KLRD1: variants seen among roughly 807,000 people sequenced by gnomAD.
KLRD1 encodes the protein natural killer cells antigen CD94.
A neutral mutation model predicts 22.6 loss-of-function variants in KLRD1; 21 were observed. That is an observed-to-expected ratio of 0.93 (90% CI 0.66 to 1.34). The LOEUF (loss-of-function observed/expected upper bound fraction) is 1.34. Ranked by LOEUF, KLRD1 falls within the 40% of genes most tolerant of loss-of-function variation. The pLI is 0.00. For synonymous variants in KLRD1, 59 were observed against 71.1 expected, an observed-to-expected ratio of 0.83 and a Z score of 0.85; for missense variants, 183 against 208.6, an observed-to-expected ratio of 0.88 and a Z score of 0.76.
chr12:10,246,343 A>G (rs189277591), intron 1 of KLRD1, among the ~76,000 whole-genome samples: 35 of 151,000 alleles, frequency 2.3e-4, no homozygotes, highest in Admixed American at 1.5e-3. Context: ...TTATGAATAT[A>G]TACTACATTT....
rs1555113906 is a variant in KLRD1 at position 10,324,818 on chromosome 12, G to GTATATATATATATATATATATA, written c.*10029_*10050dup. On this transcript the variant is annotated 3_prime_UTR_variant, in exon 6 of 6. Coordinates refer to ENST00000336164, the MANE Select transcript of KLRD1 (RefSeq NM_002262.5). ...AGTATATATGTATATGTGTGTGTGT[G>GTATATATATATATATATATATA]TATATATATATATATATATATATAT... The GTATATATATATATATATATATA allele has an allele frequency of 0.042, 3,073 of 73,666 alleles. 279 individuals carry two copies. Among genetic ancestry groups the GTATATATATATATATATATATA allele is most frequent in the Non-Finnish European group, 0.062 (2,321 of 37,360 alleles). The allele number at this position is 73,666 out of a possible 1,614,324, so 4.6% of individuals were successfully genotyped here. A position where few individuals can be genotyped will look rare whatever the true frequency, so the allele number is the denominator to read the frequency against.
intron 1 of KLRD1, among the ~76,000 whole-genome samples, chr12:10,279,185 C>G (rs186850153): frequency 2.6e-5 from 4 of 152,032 alleles, no homozygotes; most frequent in African/African-American, 9.7e-5. Flanking sequence ...CTATTGTTCT[C>G]TTCTTTGTGT....
chr12:10,287,090 T>C (rs537044471), intron 1 of KLRD1, among the ~76,000 whole-genome samples: 2 of 152,110 alleles, frequency 1.3e-5, no homozygotes, highest in East Asian at 1.9e-4. Context: ...GAGCTGAGAT[T>C]GTACCACTGC....
Position 10,309,654 on chromosome 12 carries a change from A to G in KLRD1, c.129A>G (p.Ala43=). The change falls in exon 3 of 6, where the codon GCA becomes GCG. Residue 43 remains alanine, a synonymous_variant. Coordinates refer to ENST00000336164, the MANE Select transcript of KLRD1 (RefSeq NM_002262.5). ...TTACTAAACTGAGTATTGAGCCAGC[A>G]TTTACTCCAGGACCCAACATAGAAC... is the stretch of plus-strand genomic sequence containing the variant. ...NSFTKLSIEP[A]FTPGPNIELQ... The G allele has an allele frequency of 6.2e-7, 1 of 1,613,374 alleles. No homozygotes were observed.
intron 1 of KLRD1, among the ~76,000 whole-genome samples, chr12:10,243,260 C>T (rs1268418675): frequency 6.6e-6 from 1 of 151,972 alleles, no homozygotes; most frequent in Non-Finnish European, 1.5e-5. Flanking sequence ...ACAATGTGTA[C>T]ATATATCAAA....
intron 1 of KLRD1, among the ~76,000 whole-genome samples, chr12:10,247,730 T>C (rs1277120624): frequency 6.6e-6 from 1 of 152,148 alleles, no homozygotes; most frequent in African/African-American, 2.4e-5. Flanking sequence ...GCACCCATGC[T>C]ATTCTCATGA....
At chr12:10,243,607 C>CAAAAAAAAAAAAAAAA (rs34864670) in intron 1 of KLRD1, among the ~76,000 whole-genome samples, 2 of 28,810 alleles carry the variant, frequency 6.9e-5, no homozygotes, top group African/African-American at 4.1e-4. Context: ...AGTGAGACTC[C>CAAAAAAAAAAAAAAAA]AAAAAAAAAA....
rs1950190244 is a variant in KLRD1, at chr12:10,315,007, G to T, written c.*214G>T. The T allele has an allele frequency of 1.6e-5, 6 of 371,132 alleles. No homozygotes were observed. The highest frequency in any genetic ancestry group is 1.3e-4 in the South Asian group (3 of 23,176). The allele number at this position is 371,132 out of a possible 1,614,324, so 23.0% of individuals were successfully genotyped here. Reference sequence around the variant, plus strand: ...TTGAGAATTATAAAATTAACATAAAGAATTTTGTATTTTCATTTAATGTAT... The same window carrying T: ...TTGAGAATTATAAAATTAACATAAATAATTTTGTATTTTCATTTAATGTAT... On this transcript the variant is annotated 3_prime_UTR_variant, in exon 6 of 6. Coordinates refer to ENST00000336164, the MANE Select transcript of KLRD1 (RefSeq NM_002262.5).
intron 1 of KLRD1, among the ~76,000 whole-genome samples, chr12:10,271,220 C>A (rs776687657): frequency 6.6e-6 from 1 of 151,882 alleles, no homozygotes; most frequent in Admixed American, 6.6e-5. Context: ...GTTACTTCAT[C>A]GTGTTCATCA....
In KLRD1 at chr12:10,314,991, A is replaced by G; in HGVS notation, c.*198A>G. ...ATTCGTTCACCTACATTTGAGAATTATAAAATTAACATAAAGAATTTTGTA... is the reference window on the plus strand; with the variant it reads ...ATTCGTTCACCTACATTTGAGAATTGTAAAATTAACATAAAGAATTTTGTA... On this transcript the variant is annotated 3_prime_UTR_variant, in exon 6 of 6. Coordinates refer to ENST00000336164, the MANE Select transcript of KLRD1 (RefSeq NM_002262.5). 2.4e-6 allele frequency: 1 copy of G among 419,224 alleles called. No individual in the cohort carries two copies. Among genetic ancestry groups the G allele is most frequent in the Non-Finnish European group, 4.1e-6 (1 of 241,294 alleles). 26.0% of individuals were successfully genotyped at this position (419,224 alleles called of 1,614,324 possible). A position where few individuals can be genotyped will look rare whatever the true frequency, so the allele number is the denominator to read the frequency against.
intron 1 of KLRD1, among the ~76,000 whole-genome samples, chr12:10,269,484 A>T (rs565558545): frequency 6.6e-6 from 1 of 152,196 alleles, no homozygotes; most frequent in South Asian, 2.1e-4. Flanking sequence ...TCAGCCAGGT[A>T]TCTATTTGGA....
chr12:10,275,957 C>T (rs906778781), intron 1 of KLRD1, among the ~76,000 whole-genome samples: 1 of 152,090 alleles, frequency 6.6e-6, no homozygotes, highest in Non-Finnish European at 1.5e-5. Context: ...ATTAATCATT[C>T]TTCTGATTTT....
chr12:10,257,086 C>A (rs1041762383), intron 1 of KLRD1, among the ~76,000 whole-genome samples: 7 of 150,702 alleles, frequency 4.6e-5, no homozygotes, highest in Admixed American at 1.3e-4. Flanking sequence ...TATCAAGGAG[C>A]CCTTGTTTGT....
At chr12:10,288,526 G>T (rs1949733264) in intron 1 of KLRD1, among the ~76,000 whole-genome samples, 2 of 152,162 alleles carry the variant, frequency 1.3e-5, no homozygotes, top group African/African-American at 4.8e-5. Context: ...GACTCAGCTT[G>T]ACCACTGCTT....
chr12:10,328,857 A>G lies in KLRD1; in HGVS notation c.*14064A>G, dbSNP rs946740925. 3.3e-5 allele frequency: 5 copies of G among 152,248 alleles called. No individual in the cohort carries two copies. The highest frequency in any genetic ancestry group is 4.8e-5 in the African/African-American group (2 of 41,452). The allele number at this position is 152,248 out of a possible 1,614,324, so 9.4% of individuals were successfully genotyped here. ...AGGCCTCACTATCATGGCAGAAGGT[A>G]AAACACATGTCTCACATGGCGGCAG... On this transcript the variant is annotated 3_prime_UTR_variant, in exon 6 of 6. Coordinates refer to ENST00000336164, the MANE Select transcript of KLRD1 (RefSeq NM_002262.5).
chr12:10,275,543 C>T (rs944128535), intron 1 of KLRD1, among the ~76,000 whole-genome samples: 5 of 151,930 alleles, frequency 3.3e-5, no homozygotes, highest in South Asian at 4.1e-4. Flanking sequence ...TTTCAACCAT[C>T]GGGGGAAGCT....
rs71049085 is a variant in KLRD1, at chr12:10,312,051, CTTT to C, written c.315+453_315+455del. Reference sequence around the variant, plus strand: ...AAAACGTACCCAATTCTTTTCTTTTCTTTTTTTTTTTTTTTTTTTGAGACAGAG... The same window carrying C: ...AAAACGTACCCAATTCTTTTCTTTTCTTTTTTTTTTTTTTTTGAGACAGAG... On this transcript the variant is annotated intron_variant, in intron 4 of 5. Coordinates refer to ENST00000336164, the MANE Select transcript of KLRD1 (RefSeq NM_002262.5). 4.5e-3 allele frequency among the ~76,000 whole-genome samples: 554 copies of C among 123,176 alleles called. 2 individuals carry two copies. The highest frequency in any genetic ancestry group is 0.042 in the Middle Eastern group (9 of 216). The allele number at this position is 123,176 out of a possible 152,430, so 80.8% of individuals were successfully genotyped here. A position where few individuals can be genotyped will look rare whatever the true frequency, so the allele number is the denominator to read the frequency against.
chr12:10,245,508 C>T (rs1350493610), intron 1 of KLRD1, among the ~76,000 whole-genome samples: 1 of 152,128 alleles, frequency 6.6e-6, no homozygotes, highest in Non-Finnish European at 1.5e-5. Flanking sequence ...ACATGAAAAT[C>T]TGTTTTATTT....
chr12:10,303,980 T>C (rs890969400), upstream of KLRD1, among the ~76,000 whole-genome samples: 1 of 152,210 alleles, frequency 6.6e-6, no homozygotes, highest in Non-Finnish European at 1.5e-5. Context: ...GAGTGTTTGC[T>C]TCTATACATG....
Sources: allele counts gnomAD v4.1 joint callset (sites outside exome capture counted in the v4.1 genomes callset), GRCh38; gene constraint gnomAD v4.1.1; transcripts MANE v1.5; gene names NCBI Gene and HGNC (gene_info 2026-07-23, HGNC 2026-07-21).